The following GRIP1 variants were observed in gnomAD, a reference collection of about 807,000 sequenced individuals.
GRIP1 encodes the protein glutamate receptor interacting protein 1, also known as glutamate receptor-interacting protein 1.
Under a neutral mutation model 129.9 loss-of-function variants are expected in GRIP1, and 45 were observed. The observed-to-expected ratio is 0.35, with a 90% confidence interval of 0.27 to 0.44. GRIP1 has a LOEUF of 0.44. Among genes scored for constraint, GRIP1 ranks in the 20% least tolerant of loss-of-function variants. The probability of loss-of-function intolerance (pLI) is 1.00; values close to 1 mark genes in which losing one functional copy is unlikely to be tolerated. For synonymous variants in GRIP1, 530 were observed against 520.8 expected (o/e 1.02, Z -0.24); for missense variants, 1,196 against 1,396.8 (o/e 0.86, Z 2.29).
chr12:66,967,715 G>A (rs1208306308), intron 1 of GRIP1, among the ~76,000 whole-genome samples: 1 of 151,946 alleles, frequency 6.6e-6, no homozygotes, highest in African/African-American at 2.4e-5. Flanking sequence ...TATTGTGAAG[G>A]GTGCTGTTTA....
chr12:66,729,818 C>A (rs1450515405), intron 1 of GRIP1, among the ~76,000 whole-genome samples: 1 of 152,110 alleles, frequency 6.6e-6, no homozygotes, highest in Non-Finnish European at 1.5e-5. Context: ...TCGTAATCCA[C>A]CCACCTCGGC....
intron 1 of GRIP1, among the ~76,000 whole-genome samples, chr12:66,653,571 G>A (rs2032949685): frequency 6.6e-6 from 1 of 152,098 alleles, no homozygotes; most frequent in South Asian, 2.1e-4. Flanking sequence ...TGGCAGTTTA[G>A]CATTTATGTC....
At chr12:66,479,787 T>C (rs943707024) in intron 7 of GRIP1, among the ~76,000 whole-genome samples, 3 of 152,154 alleles carry the variant, frequency 2.0e-5, no homozygotes. Flanking sequence ...ATAAATGTAA[T>C]CCATCACATA....
At chr12:66,486,249 T>C (rs894789543) in intron 7 of GRIP1, among the ~76,000 whole-genome samples, 1 of 151,680 alleles carries the variant, frequency 6.6e-6, no homozygotes, top group African/African-American at 2.4e-5. Flanking sequence ...AGTATTAAAT[T>C]TGATAGACTG....
At chr12:66,516,060 G>C (rs1230188911) in intron 6 of GRIP1, among the ~76,000 whole-genome samples, 1 of 152,078 alleles carries the variant, frequency 6.6e-6, no homozygotes, top group Admixed American at 6.6e-5. Context: ...CTTTTTCTAG[G>C]TTTTTGCCTG....
chr12:66,935,139 C>T (rs2041463691), intron 1 of GRIP1, among the ~76,000 whole-genome samples: 1 of 152,170 alleles, frequency 6.6e-6, no homozygotes, highest in Non-Finnish European at 1.5e-5. Context: ...CTTCATAGGA[C>T]TTTTTGGCCT....
At chr12:66,473,347 C>T (rs1216725369) in intron 7 of GRIP1, among the ~76,000 whole-genome samples, 1 of 152,234 alleles carries the variant, frequency 6.6e-6, no homozygotes, top group Non-Finnish European at 1.5e-5. Flanking sequence ...AGAGATAAAA[C>T]TCCCATCTCC....
intron 2 of GRIP1, chr12:66,567,899 T>A: frequency 6.0e-6 from 1 of 166,906 alleles, no homozygotes; most frequent in East Asian, 1.8e-4. Context: ...GGATAGAACA[T>A]CCGTAAACAC....
At chr12:66,760,675 A>T (rs2136667448) in intron 1 of GRIP1, among the ~76,000 whole-genome samples, 1 of 152,286 alleles carries the variant, frequency 6.6e-6, no homozygotes, top group Middle Eastern at 3.4e-3. Flanking sequence ...TTGGGTGGGG[A>T]CACAGCCAAA....
intron 1 of GRIP1, among the ~76,000 whole-genome samples, chr12:66,650,587 A>G (rs1376601726): frequency 6.6e-6 from 1 of 152,216 alleles, no homozygotes; most frequent in East Asian, 1.9e-4. Context: ...GTGATCAAGA[A>G]TACCTTCCTT....
Position 66,406,302 on chromosome 12 carries a change from G to A in GRIP1, c.1965C>T (p.Arg655=). The change falls in exon 16 of 25, where the codon CGC becomes CGT. Residue 655 remains arginine, a synonymous_variant. Coordinates refer to ENST00000359742, the MANE Select transcript of GRIP1 (RefSeq NM_001366722.1). ...CAATACCTGAATTATCTTCATCTTTGCGGATTTTGAGCTTCACCAGGTCTT... is the reference window on the plus strand; with the variant it reads ...CAATACCTGAATTATCTTCATCTTTACGGATTTTGAGCTTCACCAGGTCTT... The part of the protein sequence containing the change: ...QCEDLVKLKI[R]KDEDNSDEQE... 2.5e-6 allele frequency: 4 copies of A among 1,614,090 alleles called. No individual in the cohort carries two copies. Among genetic ancestry groups the A allele is most frequent in the Non-Finnish European group, 3.4e-6 (4 of 1,179,974 alleles).
intron 1 of GRIP1, among the ~76,000 whole-genome samples, chr12:67,016,599 C>G (rs188370729): frequency 1.3e-5 from 2 of 152,058 alleles, no homozygotes; most frequent in East Asian, 3.9e-4. Context: ...GCTGTCCCCC[C>G]ACTTTATCTT....
intron 1 of GRIP1, among the ~76,000 whole-genome samples, chr12:66,819,748 A>G (rs2039285537): frequency 6.6e-6 from 1 of 152,204 alleles, no homozygotes; most frequent in Non-Finnish European, 1.5e-5. Flanking sequence ...ATAACAAGTG[A>G]AAGGCTAACA....
rs74424596 is a variant in GRIP1 at position 67,052,321 on chromosome 12, T to A, written c.58+16729A>T. ...CTAAAATGACCCTCAGGTAACTGCATCATGTGTAATAACAAGAAAACCTGG... is the reference window on the plus strand; with the variant it reads ...CTAAAATGACCCTCAGGTAACTGCAACATGTGTAATAACAAGAAAACCTGG... On this transcript the variant is annotated intron_variant, in intron 1 of 1. Transcript: ENST00000643019. Among the ~76,000 whole-genome samples, 1,472 of 152,326 alleles carry A rather than the reference T, an allele frequency of 9.7e-3. 21 individuals carry two copies. The highest frequency in any genetic ancestry group is 0.033 in the African/African-American group (1,389 of 41,572).
chr12:66,941,186 C>A (rs1410994371), intron 1 of GRIP1, among the ~76,000 whole-genome samples: 2 of 151,912 alleles, frequency 1.3e-5, no homozygotes. Flanking sequence ...CCATTCAGGG[C>A]AGGTGGTTTA....
chr12:66,732,968 T>C (rs2036485840), intron 1 of GRIP1, among the ~76,000 whole-genome samples: 1 of 152,314 alleles, frequency 6.6e-6, no homozygotes, highest in Middle Eastern at 3.4e-3. Context: ...TTTATCATAA[T>C]AAAGAGTAAT....
chr12:66,687,185 A>G (rs2034815676), intron 1 of GRIP1, among the ~76,000 whole-genome samples: 1 of 152,200 alleles, frequency 6.6e-6, no homozygotes, highest in Admixed American at 6.5e-5. Context: ...AAGGTATCCT[A>G]TCGAGTATAT....
At chr12:66,845,508 C>T (rs557636217) in intron 1 of GRIP1, among the ~76,000 whole-genome samples, 1 of 152,156 alleles carries the variant, frequency 6.6e-6, no homozygotes, top group East Asian at 1.9e-4. Flanking sequence ...ATAATACATG[C>T]TTTCTGGTAT....
intron 1 of GRIP1, among the ~76,000 whole-genome samples, chr12:67,028,596 T>G (rs560732354): frequency 6.6e-6 from 1 of 152,212 alleles, no homozygotes; most frequent in African/African-American, 2.4e-5. Flanking sequence ...AGAATGCTTT[T>G]TATTCAATAG....
Sources: allele counts gnomAD v4.1 joint callset (sites outside exome capture counted in the v4.1 genomes callset), GRCh38; gene constraint gnomAD v4.1.1; transcripts MANE v1.5; gene names NCBI Gene and HGNC (gene_info 2026-07-23, HGNC 2026-07-21).